Variants in ANO2 observed in about 807,000 individuals in gnomAD.
The protein encoded by ANO2 is anoctamin 2.
ANO2 carries 101 observed loss-of-function variants against 124.2 expected under a neutral mutation model. The observed-to-expected ratio is 0.81, with a 90% CI of 0.69 to 0.96. The LOEUF (loss-of-function observed/expected upper bound fraction) is 0.96. Among genes scored for constraint, ANO2 ranks in the 40% least tolerant of loss-of-function variants. The pLI is 0.00. For synonymous variants in ANO2, 486 were observed against 482.5 expected, an observed-to-expected ratio of 1.01 and a Z score of -0.09; for missense variants, 1,293 against 1,274.5, an observed-to-expected ratio of 1.01 and a Z score of -0.22.
intron 7 of ANO2, 116 bp downstream of exon 7, chr12:5,827,653 G>A (rs747917456): frequency 4.8e-6 from 6 of 1,245,464 alleles, no homozygotes; most frequent in Non-Finnish European, 5.7e-6. Context: ...CAGCCTCTCC[G>A]TGGGGGGCAT....
chr12:5,578,150 T>G, intron 21 of ANO2, 143 bp from the exon 22 acceptor site: 1 of 1,257,516 alleles, frequency 8.0e-7, no homozygotes, highest in Non-Finnish European at 1.1e-6. Flanking sequence ...CTGGAAAGGC[T>G]TAGGTAGCCC....
chr12:5,609,869 G>GTATATATATATATATATATATATA (rs10677018), intron 19 of ANO2, among the ~76,000 whole-genome samples: 1 of 144,378 alleles, frequency 6.9e-6, no homozygotes, highest in Non-Finnish European at 1.5e-5. Context: ...TTTAGAAAAT[G>GTATATATATATATATATATATATA]TATATATATA....
At chr12:5,758,608 C>T (rs182450533) in intron 10 of ANO2, among the ~76,000 whole-genome samples, 1 of 152,270 alleles carries the variant, frequency 6.6e-6, no homozygotes, top group East Asian at 1.9e-4. Flanking sequence ...TTCAGCACTC[C>T]AGGGCTCACA....
At chr12:5,783,229 A>G (rs1224180861) in intron 10 of ANO2, among the ~76,000 whole-genome samples, 1 of 152,134 alleles carries the variant, frequency 6.6e-6, no homozygotes, top group East Asian at 1.9e-4. Context: ...TCATGATTAC[A>G]TTTTATCTTG....
rs1399763032 is a variant in ANO2, at chr12:5,563,289, G to C, written c.*10C>G. ...GCTGCCGTGCCCTCCTCTGCTGCAG[G>C]CTGAACTGCTCACACATTGGTGTGC... On this transcript the variant is annotated 3_prime_UTR_variant, in exon 25 of 25. Coordinates refer to ENST00000682330, the MANE Select transcript of ANO2 (RefSeq NM_001364791.2). 1.2e-5 allele frequency: 19 copies of C among 1,592,606 alleles called. No homozygotes were observed. The highest frequency in any genetic ancestry group is 1.5e-5 in the Non-Finnish European group (18 of 1,174,362).
At chr12:5,915,819 T>C (rs913717507) in intron 3 of ANO2, among the ~76,000 whole-genome samples, 2 of 152,162 alleles carry the variant, frequency 1.3e-5, no homozygotes, top group Non-Finnish European at 2.9e-5. Flanking sequence ...CAACATGGCA[T>C]GGAGGGAGCA....
At chr12:5,608,414 A>G (rs1944322044) in intron 19 of ANO2, among the ~76,000 whole-genome samples, 1 of 151,952 alleles carries the variant, frequency 6.6e-6, no homozygotes, top group Non-Finnish European at 1.5e-5. Flanking sequence ...ATTTAACTAC[A>G]TAATTATGTT....
chr12:5,870,696 C>T (rs1955551928), intron 3 of ANO2, among the ~76,000 whole-genome samples: 1 of 152,236 alleles, frequency 6.6e-6, no homozygotes, highest in Non-Finnish European at 1.5e-5. Context: ...AAAGGTCCCT[C>T]CCTTCTTCTC....
chr12:5,750,770 T>C, intron 11 of ANO2, 66 bp downstream of exon 11: 4 of 1,522,778 alleles, frequency 2.6e-6, no homozygotes, highest in South Asian at 1.3e-5. Flanking sequence ...AATGTACTTG[T>C]ACTGGGATGA....
At chr12:5,576,040 G>A in intron 22 of ANO2, 25 bp from the exon 23 acceptor site, 3 of 1,573,060 alleles carry the variant, frequency 1.9e-6, no homozygotes, top group Non-Finnish European at 2.6e-6. Flanking sequence ...CATAAGCACT[G>A]AGTAGCCAGG....
rs1555088574 is a variant in ANO2, at chr12:5,584,137, C to CT, written c.2234-5620_2234-5619insA. 5 of 165,264 alleles carry CT rather than the reference C, an allele frequency of 3.0e-5. No individual in the cohort carries two copies. The East Asian group carries it at 5.6e-4, about 19-fold the overall frequency. The allele number at this position is 165,264 out of a possible 1,614,324, so 10.2% of individuals were successfully genotyped here. ...ATTCCTTAATTTAATGAACACCCCC[C>CT]CCCCGCCGCAAGAATATTAATGTTG... On this transcript the variant is annotated intron_variant, in intron 20 of 24. Transcript: ENST00000682330.
At chr12:5,603,923 T>C (rs926769277) in intron 19 of ANO2, among the ~76,000 whole-genome samples, 2 of 102,484 alleles carry the variant, frequency 2.0e-5, no homozygotes, top group Non-Finnish European at 3.5e-5. Context: ...CCGTCCTGGG[T>C]GAAAGAGCGA....
At chr12:5,943,920 A>G (rs1942992736) in intron 1 of ANO2, among the ~76,000 whole-genome samples, 1 of 152,170 alleles carries the variant, frequency 6.6e-6, no homozygotes, top group Admixed American at 6.5e-5. Flanking sequence ...GAAGATGAAG[A>G]GATGGCACAC....
intron 14 of ANO2, among the ~76,000 whole-genome samples, chr12:5,716,560 G>A (rs1263615525): frequency 6.6e-6 from 1 of 152,170 alleles, no homozygotes; most frequent in Non-Finnish European, 1.5e-5. Flanking sequence ...GCTGAGAAGT[G>A]CAAGTATTCA....
intron 14 of ANO2, among the ~76,000 whole-genome samples, chr12:5,676,808 C>A (rs1051712810): frequency 2.6e-5 from 4 of 152,148 alleles, no homozygotes; most frequent in Non-Finnish European, 4.4e-5. Context: ...AATCCCAGCA[C>A]TTTGGGAGGC....
intron 10 of ANO2, among the ~76,000 whole-genome samples, chr12:5,780,200 C>T (rs1952347338): frequency 6.6e-6 from 1 of 152,144 alleles, no homozygotes; most frequent in African/African-American, 2.4e-5. Context: ...TACCTCTATG[C>T]ATATATTCCT....
At chr12:5,641,086 C>A (rs1024167514) in intron 15 of ANO2, among the ~76,000 whole-genome samples, 1 of 152,136 alleles carries the variant, frequency 6.6e-6, no homozygotes, top group Non-Finnish European at 1.5e-5. Flanking sequence ...GACACGGATG[C>A]AGCTGGAAAC....
At chr12:5,844,335 G>A (rs1954615280) in intron 4 of ANO2, among the ~76,000 whole-genome samples, 2 of 152,134 alleles carry the variant, frequency 1.3e-5, no homozygotes, top group Non-Finnish European at 2.9e-5. Flanking sequence ...ACCAGGCTTG[G>A]GGACACAGGG....
At chr12:5,924,283 A>ATC (rs1252422573) in intron 1 of ANO2, among the ~76,000 whole-genome samples, 1 of 152,224 alleles carries the variant, frequency 6.6e-6, no homozygotes, top group Non-Finnish European at 1.5e-5. Context: ...GAGAAACATA[A>ATC]TCTCTTTATG....
Sources: gnomAD v4.1 joint callset for allele counts (sites outside exome capture counted in the v4.1 genomes callset) on GRCh38, gnomAD v4.1.1 for gene constraint, MANE v1.5 for transcripts, NCBI Gene and HGNC (gene_info 2026-07-23, HGNC 2026-07-21) for gene names.